PLEKHA2: variants seen among roughly 807,000 people sequenced by gnomAD.
PLEKHA2 encodes the protein pleckstrin homology domain-containing family A member 2.
Under a neutral mutation model 53.2 loss-of-function variants are expected in PLEKHA2, and 28 were observed. The observed-to-expected ratio is 0.53, with a 90% CI of 0.39 to 0.72. The LOEUF is 0.72. PLEKHA2 is among the 30% of genes least tolerant of loss of function. The pLI, the probability that PLEKHA2 is intolerant of heterozygous loss-of-function variation, is 0.00. For synonymous variants in PLEKHA2, 193 were observed against 196.4 expected (o/e 0.98, Z 0.14); for missense variants, 426 against 537.9 (o/e 0.79, Z 2.06).
Position 38,957,250 on chromosome 8 carries a change from G to C in PLEKHA2, c.774-73G>C, listed in dbSNP as rs867234705. ...TCCTTTTTTATGGTAGAGGGCACTGGGGTCTTAGGACATATCGAGTCCTCT... is the reference window on the plus strand; with the variant it reads ...TCCTTTTTTATGGTAGAGGGCACTGCGGTCTTAGGACATATCGAGTCCTCT... On this transcript the variant is annotated intron_variant, in intron 9 of 11. Transcript: ENST00000617275. 7 of 1,213,530 alleles carry C rather than the reference G, an allele frequency of 5.8e-6. No individual in the cohort carries two copies. The South Asian group carries it at 7.6e-5, about 13-fold the overall frequency. The allele number at this position is 1,213,530 out of a possible 1,614,324, so 75.2% of individuals were successfully genotyped here. A position where few individuals can be genotyped will look rare whatever the true frequency, so the allele number is the denominator to read the frequency against.
At chr8:38,905,519 A>G (rs1055865818) in intron 1 of PLEKHA2, among the ~76,000 whole-genome samples, 2 of 151,448 alleles carry the variant, frequency 1.3e-5, no homozygotes, top group Admixed American at 6.6e-5. Flanking sequence ...CATCCTCCTT[A>G]CCACACCCAG....
In PLEKHA2 at chr8:38,953,298, A is replaced by G; in HGVS notation, c.704A>G (p.Asp235Gly). The change falls in exon 9 of 12, where the codon GAC becomes GGC. Residue 235 changes from aspartate to glycine, a missense_variant and splice_region_variant. By Grantham distance (94) the Asp-to-Gly change is moderately conservative (BLOSUM62 -1). Transcript: ENST00000617275. ...CTGTCTTTCTGTTCTTTCCACCAGG[A>G]CCGAGAACCACTGCGCACCATATTT... The part of the protein sequence containing the change: ...FTICYFKCEQ[D>G]REPLRTIFLK... 3 of 1,611,784 alleles carry G rather than the reference A, an allele frequency of 1.9e-6. No individual in the cohort carries two copies. Among genetic ancestry groups the G allele is most frequent in the Non-Finnish European group, 2.5e-6 (3 of 1,177,890 alleles).
intron 1 of PLEKHA2, among the ~76,000 whole-genome samples, chr8:38,903,171 G>C (rs1833819144): frequency 6.6e-6 from 1 of 152,322 alleles, no homozygotes; most frequent in East Asian, 1.9e-4. Flanking sequence ...CTGGTACATG[G>C]GAGTTATTAG....
chr8:38,902,784 C>A (rs1833812012), intron 1 of PLEKHA2, among the ~76,000 whole-genome samples: 1 of 152,236 alleles, frequency 6.6e-6, no homozygotes, highest in Non-Finnish European at 1.5e-5. Context: ...GAACAAAACA[C>A]AACCCCTGTC....
intron 5 of PLEKHA2, 178 bp from the exon 6 acceptor site, chr8:38,950,672 C>A: frequency 3.1e-6 from 2 of 636,930 alleles, no homozygotes; most frequent in South Asian, 2.4e-5. Context: ...AGGGGGAGGG[C>A]GTTGCTGGTT....
At chr8:38,956,626 C>T (rs961262943) in intron 9 of PLEKHA2, among the ~76,000 whole-genome samples, 1 of 152,132 alleles carries the variant, frequency 6.6e-6, no homozygotes, top group South Asian at 2.1e-4. Flanking sequence ...ATGGAAACAC[C>T]CTGTCTCTAT....
At chr8:38,933,267 G>C (rs561968157) in intron 2 of PLEKHA2, among the ~76,000 whole-genome samples, 1 of 152,174 alleles carries the variant, frequency 6.6e-6, no homozygotes, top group African/African-American at 2.4e-5. Flanking sequence ...AATAGGAGGG[G>C]TTGGGCCCTC....
At chr8:38,966,667 T>C (rs1241637022) in intron 10 of PLEKHA2, among the ~76,000 whole-genome samples, 1 of 152,230 alleles carries the variant, frequency 6.6e-6, no homozygotes, top group African/African-American at 2.4e-5. Flanking sequence ...CTGGGGTTTA[T>C]AGGTTGTTTC....
chr8:38,958,533 C>T (rs1450624513), intron 10 of PLEKHA2, among the ~76,000 whole-genome samples: 4 of 152,088 alleles, frequency 2.6e-5, no homozygotes, highest in Non-Finnish European at 5.9e-5. Flanking sequence ...CAACTCCTTC[C>T]GCCGAGCCCA....
intron 5 of PLEKHA2, among the ~76,000 whole-genome samples, chr8:38,949,094 C>T (rs1834774462): frequency 6.6e-6 from 1 of 152,132 alleles, no homozygotes; most frequent in Admixed American, 6.6e-5. Context: ...TAGTCTCGAA[C>T]TCCCGACCTC....
intron 1 of PLEKHA2, among the ~76,000 whole-genome samples, chr8:38,906,737 T>G (rs1357228052): frequency 6.6e-6 from 1 of 152,242 alleles, no homozygotes; most frequent in African/African-American, 2.4e-5. Context: ...TGACCCATTC[T>G]CAGGGATGTG....
Position 38,969,540 on chromosome 8 carries a change from C to T in PLEKHA2, c.1035C>T (p.Cys345=). The T allele has an allele frequency of 3.1e-6, 5 of 1,612,844 alleles. No individual in the cohort carries two copies. Among genetic ancestry groups the T allele is most frequent in the Non-Finnish European group, 4.2e-6 (5 of 1,179,348 alleles). ...CTTTGGAGGAAAAGAAAGCCCTCTGCAAAGCCCCCTCTGTGGCCTCCTCCT... is the reference window on the plus strand; with the variant it reads ...CTTTGGAGGAAAAGAAAGCCCTCTGTAAAGCCCCCTCTGTGGCCTCCTCCT... The part of the protein sequence containing the change: ...RPPLEEKKAL[C]KAPSVASSWQ... The change falls in exon 12 of 12, where the codon TGC becomes TGT. Residue 345 remains cysteine (C), a synonymous_variant. Coordinates refer to ENST00000617275, the MANE Select transcript of PLEKHA2 (RefSeq NM_021623.2).
At chr8:38,954,393 C>T (rs578130304) in intron 9 of PLEKHA2, among the ~76,000 whole-genome samples, 6 of 152,272 alleles carry the variant, frequency 3.9e-5, no homozygotes, top group African/African-American at 1.4e-4. Context: ...GAAGATTGGG[C>T]ATGATGAGAT....
rs1835287900 is a variant in PLEKHA2, at chr8:38,973,382, C to G, written c.*3599C>G. Reference sequence around the variant, plus strand: ...TTATATTTCTGAATATAAATATACTCTTATATGGGCTAAAAAGACCCCATG... The same window carrying G: ...TTATATTTCTGAATATAAATATACTGTTATATGGGCTAAAAAGACCCCATG... On this transcript the variant is annotated 3_prime_UTR_variant, in exon 12 of 12. Transcript: ENST00000617275. The G allele has an allele frequency of 1.3e-5, 2 of 151,740 alleles. No individual in the cohort carries two copies. The highest frequency in any genetic ancestry group is 2.9e-5 in the Non-Finnish European group (2 of 67,972). 9.4% of individuals were successfully genotyped at this position (151,740 alleles called of 1,614,324 possible).
chr8:38,930,109 C>T (rs572756865), intron 2 of PLEKHA2, among the ~76,000 whole-genome samples: 1 of 152,314 alleles, frequency 6.6e-6, no homozygotes, highest in South Asian at 2.1e-4. Context: ...GGAGCTGGCT[C>T]CTTCAAGGAC....
At chr8:38,948,267 G>C (rs959684335) in intron 5 of PLEKHA2, among the ~76,000 whole-genome samples, 2 of 152,148 alleles carry the variant, frequency 1.3e-5, no homozygotes, top group East Asian at 1.9e-4. Flanking sequence ...AAGTGAGAAA[G>C]AGTAGCTTAG....
intron 2 of PLEKHA2, among the ~76,000 whole-genome samples, chr8:38,920,877 T>G (rs1374803582): frequency 6.6e-6 from 1 of 151,952 alleles, no homozygotes; most frequent in Admixed American, 6.6e-5. Context: ...CTCAGCTCAC[T>G]GCAACCTCTG....
chr8:38,942,656 A>G (rs1834633306), intron 3 of PLEKHA2, among the ~76,000 whole-genome samples: 1 of 152,038 alleles, frequency 6.6e-6, no homozygotes. Context: ...GTGGAGGCTC[A>G]CTCCAGGGAG....
intron 1 of PLEKHA2, among the ~76,000 whole-genome samples, chr8:38,914,398 T>G (rs1221845117): frequency 6.6e-6 from 1 of 152,264 alleles, no homozygotes; most frequent in East Asian, 1.9e-4. Context: ...GATCTGAATC[T>G]GCCTGATGTC....
Sources: allele counts gnomAD v4.1 joint callset (sites outside exome capture counted in the v4.1 genomes callset), GRCh38; gene constraint gnomAD v4.1.1; transcripts MANE v1.5; gene names NCBI Gene and HGNC (gene_info 2026-07-23, HGNC 2026-07-21).